HHLA2: variants seen among roughly 807,000 people sequenced by gnomAD.
HHLA2 encodes the protein HHLA2 member of B7 family, also known as HERV-H LTR-associating protein 2.
In HHLA2, 48 loss-of-function variants were observed where a neutral mutation model predicts 45.9. The observed-to-expected ratio is 1.05, with a 90% CI of 0.83 to 1.33. The LOEUF (loss-of-function observed/expected upper bound fraction) is 1.33. Ranked by LOEUF, HHLA2 falls within the 40% of genes most tolerant of loss-of-function variation. The probability of loss-of-function intolerance (pLI) is 0.00; values close to 1 mark genes in which losing one functional copy is unlikely to be tolerated. For missense variants in HHLA2, 462 were observed against 494.3 expected (o/e 0.93, Z 0.62); for synonymous variants, 161 against 173.9 (o/e 0.93, Z 0.59).
At chr3:108,299,175 AT>A (rs1348570107) in intron 1 of HHLA2, among the ~76,000 whole-genome samples, 1 of 152,140 alleles carries the variant, frequency 6.6e-6, no homozygotes, top group Non-Finnish European at 1.5e-5. Context: ...TAATATTTCT[AT>A]TTCCAAATTG....
chr3:108,372,832 A>T (rs1265941778), intron 8 of HHLA2, among the ~76,000 whole-genome samples: 1 of 152,238 alleles, frequency 6.6e-6, no homozygotes, highest in Non-Finnish European at 1.5e-5. Context: ...TGTGGCAATA[A>T]TCAATAGCTT....
chr3:108,351,648 C>T (rs1576156536), intron 3 of HHLA2, 140 bp from the exon 3 acceptor site: 3 of 520,384 alleles, frequency 5.8e-6, no homozygotes, highest in African/African-American at 2.0e-5. Flanking sequence ...TTAAGAAATT[C>T]CTTCCATGCC....
At chr3:108,303,266 T>C (rs1302762984) in intron 1 of HHLA2, among the ~76,000 whole-genome samples, 3 of 152,228 alleles carry the variant, frequency 2.0e-5, no homozygotes, top group Non-Finnish European at 2.9e-5. Flanking sequence ...ATTTATGTGC[T>C]ATAATGTAAC....
At chr3:108,305,914 A>C (rs1479536972) in intron 1 of HHLA2, among the ~76,000 whole-genome samples, 2 of 152,082 alleles carry the variant, frequency 1.3e-5, no homozygotes, top group Non-Finnish European at 2.9e-5. Flanking sequence ...TGCTGTGGGG[A>C]GTGTGGGTGA....
chr3:108,373,614 G>A (rs1184189256), intron 8 of HHLA2, among the ~76,000 whole-genome samples: 6 of 151,252 alleles, frequency 4.0e-5, no homozygotes, highest in Non-Finnish European at 7.4e-5. Flanking sequence ...TAAGCTGATA[G>A]GCAACTTCAG....
Position 108,352,482 on chromosome 3 carries a change from T to C in HHLA2, c.64+605T>C, listed in dbSNP as rs1576157880. 2.0e-5 allele frequency among the ~76,000 whole-genome samples: 3 copies of C among 152,320 alleles called. No homozygotes were observed. In the East Asian group the frequency reaches 5.8e-4, roughly 29 times the overall value. ...GGGCACGCAGTTCTTCCATCTTGGG[T>C]GGCCTGGGCCATGAGCCAAAGGAGT... On this transcript the variant is annotated intron_variant, in intron 4 of 10. Coordinates refer to ENST00000619531, the Ensembl canonical transcript of HHLA2.
At position 108,353,579 on chromosome 3, in the gene HHLA2, A is replaced by C. The variant is rs531586600; in HGVS notation, c.217A>C (p.Ser73Arg). Residue 73 changes from serine (S) to arginine (R), a missense_variant, in exon 5 of 11, where the codon AGT becomes CGT. Ser to Arg is a moderately radical substitution (Grantham distance 110). Transcript: ENST00000619531. ...GTATCAAGATAGCTATAAGGTTCACAGTTACTACAAAGGCAGTGACCATTT... is the reference window on the plus strand; with the variant it reads ...GTATCAAGATAGCTATAAGGTTCACCGTTACTACAAAGGCAGTGACCATTT... The C allele has an allele frequency of 2.5e-6, 4 of 1,613,766 alleles. No individual in the cohort carries two copies. In the African/African-American group the frequency reaches 5.3e-5, roughly 21 times the overall value.
intron 8 of HHLA2, among the ~76,000 whole-genome samples, chr3:108,375,157 A>C (rs1171523698): frequency 6.6e-6 from 1 of 152,128 alleles, no homozygotes; most frequent in African/African-American, 2.4e-5. Context: ...GCCATAAAAA[A>C]TGATGAGTTC....
chr3:108,325,889 G>T, intron 2 of HHLA2: 1 of 401,848 alleles, frequency 2.5e-6, no homozygotes, highest in Non-Finnish European at 4.8e-6. Flanking sequence ...GCTGGATGAA[G>T]CACTAGCCAT....
At chr3:108,298,717 G>C (rs551316368) in intron 1 of HHLA2, among the ~76,000 whole-genome samples, 1 of 152,280 alleles carries the variant, frequency 6.6e-6, no homozygotes, top group South Asian at 2.1e-4. Context: ...TGTAAATACT[G>C]TTAAATGTCC....
At position 108,351,944 on chromosome 3, in the gene HHLA2, C is replaced by T; in HGVS notation, c.64+67C>T. 3 of 1,089,570 alleles carry T rather than the reference C, an allele frequency of 2.8e-6. No individual in the cohort carries two copies. In the Admixed American group the frequency reaches 5.7e-5, roughly 21 times the overall value. The allele number at this position is 1,089,570 out of a possible 1,614,324, so 67.5% of individuals were successfully genotyped here. ...CAGATAGAAACATGAGCACACAATG[C>T]AAGGTGGCTATTTCCTCCATAGCCA... On this transcript the variant is annotated intron_variant, in intron 4 of 10. Transcript: ENST00000619531.
At chr3:108,354,017 T>C (rs1395402344) in intron 5 of HHLA2, among the ~76,000 whole-genome samples, 3 of 152,146 alleles carry the variant, frequency 2.0e-5, no homozygotes, top group Non-Finnish European at 4.4e-5. Context: ...ATGAACATCC[T>C]TATAATTGTA....
At chr3:108,368,535 C>A (rs1312538884) in intron 8 of HHLA2, among the ~76,000 whole-genome samples, 35 of 6,618 alleles carry the variant, frequency 5.3e-3, no homozygotes, top group East Asian at 0.034. Context: ...AAACGAAGAG[C>A]AAAAAAAAAA....
chr3:108,373,744 TA>T (rs1246152325), intron 8 of HHLA2, among the ~76,000 whole-genome samples: 1 of 151,442 alleles, frequency 6.6e-6, no homozygotes, highest in Non-Finnish European at 1.5e-5. Context: ...TCAAAGAGAA[TA>T]AAATACCTAG....
At chr3:108,306,709 T>C (rs2080936199) in intron 1 of HHLA2, among the ~76,000 whole-genome samples, 2 of 152,228 alleles carry the variant, frequency 1.3e-5, no homozygotes, top group East Asian at 3.8e-4. Context: ...TTTTTTAACA[T>C]ACTACATTTT....
intron 2 of HHLA2, among the ~76,000 whole-genome samples, 198 bp downstream of exon 2, chr3:108,310,939 A>T (rs1379137092): frequency 6.6e-6 from 1 of 152,196 alleles, no homozygotes; most frequent in African/African-American, 2.4e-5. Context: ...AAAATGCACT[A>T]TAAATCTGGT....
intron 3 of HHLA2, chr3:108,328,394 T>A (rs964713745): frequency 9.3e-6 from 12 of 1,294,686 alleles, no homozygotes; most frequent in Non-Finnish European, 1.2e-5. Flanking sequence ...TCTGTGCAGC[T>A]ATTTATTTGA....
intron 8 of HHLA2, among the ~76,000 whole-genome samples, chr3:108,365,158 T>C (rs1402922605): frequency 1.3e-5 from 2 of 152,256 alleles, no homozygotes; most frequent in African/African-American, 4.8e-5. Flanking sequence ...TAATCCACCT[T>C]GAATTAATTT....
At chr3:108,340,704 A>G (rs1012218571) in intron 3 of HHLA2, among the ~76,000 whole-genome samples, 3 of 152,144 alleles carry the variant, frequency 2.0e-5, no homozygotes, top group African/African-American at 7.2e-5. Flanking sequence ...ACAAATAGTT[A>G]TGTCATAAGA....
Sources: gnomAD v4.1 joint callset for allele counts (sites outside exome capture counted in the v4.1 genomes callset) on GRCh38, gnomAD v4.1.1 for gene constraint, MANE v1.5 for transcripts, NCBI Gene and HGNC (gene_info 2026-07-23, HGNC 2026-07-21) for gene names.